RMND1: variants seen among roughly 807,000 people sequenced by gnomAD.
RMND1 encodes required for meiotic nuclear division 1 homolog, also known as required for meiotic nuclear division protein 1 homolog.
Under a neutral mutation model 54.0 loss-of-function variants are expected in RMND1, and 41 were observed. The observed-to-expected ratio is 0.76, with a 90% confidence interval of 0.59 to 0.98. The LOEUF is 0.98. Among genes scored for constraint, RMND1 ranks in the 50% least tolerant of loss-of-function variants. RMND1 has a pLI of 0.00. For missense variants in RMND1, 457 were observed against 532.0 expected (o/e 0.86, Z 1.39); for synonymous variants, 183 against 181.7 (o/e 1.01, Z -0.06).
chr6:151,417,975 AT>A (rs769961992), intron 9 of RMND1, among the ~76,000 whole-genome samples: 1 of 151,962 alleles, frequency 6.6e-6, no homozygotes, highest in Non-Finnish European at 1.5e-5. Flanking sequence ...CACCTGGCTA[AT>A]TTTTTGTATT....
At chr6:151,431,338 G>A (rs1380442194) in intron 4 of RMND1, among the ~76,000 whole-genome samples, 4 of 152,270 alleles carry the variant, frequency 2.6e-5, no homozygotes, top group African/African-American at 4.8e-5. Context: ...TTCATAGTCC[G>A]TGGAAATTTA....
At chr6:151,419,252 A>G (rs1780087986) in intron 9 of RMND1, among the ~76,000 whole-genome samples, 1 of 151,242 alleles carries the variant, frequency 6.6e-6, no homozygotes, top group South Asian at 2.1e-4. Context: ...TTTGGTAGAG[A>G]TGGGGTTTCA....
intron 2 of RMND1, among the ~76,000 whole-genome samples, chr6:151,442,909 A>G (rs771361122): frequency 2.0e-5 from 3 of 152,116 alleles, no homozygotes; most frequent in Non-Finnish European, 4.4e-5. Context: ...TGAAAATGAG[A>G]CCAGGTAAAG....
rs1346664455 is a variant in RMND1 at position 151,405,807 on chromosome 6, C to T, written c.1230G>A (p.Met410Ile). 1.2e-6 allele frequency: 2 copies of T among 1,610,914 alleles called. No homozygotes were observed. Among genetic ancestry groups the T allele is most frequent in the South Asian group, 1.1e-5 (1 of 91,004 alleles). The change falls in exon 11 of 12, where the codon ATG becomes ATA. Residue 410 changes from methionine to isoleucine, a missense_variant. Physicochemically the swap from Met to Ile is conservative, Grantham distance 10. Coordinates refer to ENST00000444024, the MANE Select transcript of RMND1 (RefSeq NM_017909.4). ...GATTCCGCATTAGATCTGTTAGTTC[C>T]ATGCAGTGCTGAAGTTTTTCATTCA... The part of the protein sequence containing the change: ...KVMNEKLQHC[M>I]ELTDLMRNHL...
chr6:151,413,596 T>G (rs905692519), intron 10 of RMND1, among the ~76,000 whole-genome samples: 1 of 152,214 alleles, frequency 6.6e-6, no homozygotes, highest in Non-Finnish European at 1.5e-5. Flanking sequence ...CAGCAATAGC[T>G]AACACAACCA....
At chr6:151,429,636 T>TA (rs1213946932) in intron 5 of RMND1, among the ~76,000 whole-genome samples, 1 of 152,210 alleles carries the variant, frequency 6.6e-6, no homozygotes, top group African/African-American at 2.4e-5. Flanking sequence ...CACGAATAGT[T>TA]ATGATTATTT....
intron 1 of RMND1, among the ~76,000 whole-genome samples, chr6:151,446,832 G>C (rs535655645): frequency 6.6e-6 from 1 of 151,952 alleles, no homozygotes; most frequent in Non-Finnish European, 1.5e-5. Flanking sequence ...ACCAGGGAGG[G>C]AGAGGTTGCA....
chr6:151,407,098 G>A (rs1404206124), intron 10 of RMND1, among the ~76,000 whole-genome samples: 1 of 152,016 alleles, frequency 6.6e-6, no homozygotes, highest in Non-Finnish European at 1.5e-5. Context: ...AGGCTGCAAT[G>A]AGCCAAGATC....
At chr6:151,409,855 C>G (rs1379694435) in intron 10 of RMND1, among the ~76,000 whole-genome samples, 1 of 152,166 alleles carries the variant, frequency 6.6e-6, no homozygotes, top group Non-Finnish European at 1.5e-5. Flanking sequence ...GACAGGACTT[C>G]AGGGGATACT....
At chr6:151,414,567 C>T (rs903529413) in intron 10 of RMND1, among the ~76,000 whole-genome samples, 3 of 151,734 alleles carry the variant, frequency 2.0e-5, no homozygotes, top group Non-Finnish European at 2.9e-5. Flanking sequence ...TTGAAACAAA[C>T]GAAAAAGCAG....
intron 6 of RMND1, among the ~76,000 whole-genome samples, chr6:151,426,714 G>A (rs1030581104): frequency 6.6e-6 from 1 of 151,974 alleles, no homozygotes; most frequent in African/African-American, 2.4e-5. Flanking sequence ...AAAAAATTAT[G>A]TTTATCTTCT....
chr6:151,410,125 G>A (rs1046078132), intron 10 of RMND1, among the ~76,000 whole-genome samples: 11 of 149,098 alleles, frequency 7.4e-5, no homozygotes, highest in South Asian at 2.1e-4. Context: ...CACAATCTCC[G>A]CTCACTGCAA....
At chr6:151,437,969 G>A (rs1305049517) in intron 2 of RMND1, among the ~76,000 whole-genome samples, 2 of 152,192 alleles carry the variant, frequency 1.3e-5, no homozygotes, top group African/African-American at 4.8e-5. Context: ...AATTACTGGG[G>A]AATGTGGGGA....
At chr6:151,439,691 C>T (rs1780714816) in intron 2 of RMND1, among the ~76,000 whole-genome samples, 1 of 152,144 alleles carries the variant, frequency 6.6e-6, no homozygotes, top group African/African-American at 2.4e-5. Flanking sequence ...GACAGTTTCA[C>T]TCTTGTTGCC....
At chr6:151,410,132 GC>G (rs1779771930) in intron 10 of RMND1, among the ~76,000 whole-genome samples, 1 of 150,042 alleles carries the variant, frequency 6.7e-6, no homozygotes, top group Non-Finnish European at 1.5e-5. Flanking sequence ...TCCGCTCACT[GC>G]AAGCTCTCCC....
At chr6:151,432,093 G>A (rs1780464709) in intron 4 of RMND1, among the ~76,000 whole-genome samples, 1 of 152,032 alleles carries the variant, frequency 6.6e-6, no homozygotes, top group Admixed American at 6.6e-5. Flanking sequence ...CCTCCACCAT[G>A]TGCCTGGCTA....
At chr6:151,451,278 T>C (rs149436070) in intron 1 of RMND1, among the ~76,000 whole-genome samples, 1 of 151,542 alleles carries the variant, frequency 6.6e-6, no homozygotes, top group East Asian at 2.0e-4. Flanking sequence ...TTGTTTAACA[T>C]CACTTGCACA....
At chr6:151,443,640 C>T (rs1438877833) in intron 2 of RMND1, among the ~76,000 whole-genome samples, 1 of 152,162 alleles carries the variant, frequency 6.6e-6, no homozygotes, top group Non-Finnish European at 1.5e-5. Context: ...TTTCCCTGTG[C>T]TTTCAGAAAG....
intron 2 of RMND1, among the ~76,000 whole-genome samples, chr6:151,437,906 A>C (rs1439960856): frequency 6.6e-6 from 1 of 152,146 alleles, no homozygotes; most frequent in Admixed American, 6.6e-5. Flanking sequence ...TAAAGTATCT[A>C]CTCATAAACA....
Sources: allele counts gnomAD v4.1 joint callset (sites outside exome capture counted in the v4.1 genomes callset), GRCh38; gene constraint gnomAD v4.1.1; transcripts MANE v1.5; gene names NCBI Gene and HGNC (gene_info 2026-07-23, HGNC 2026-07-21).